Variants in SERPINB5 observed in about 807,000 individuals in gnomAD.
SERPINB5 encodes the protein serpin family B member 5.
A neutral mutation model predicts 32.2 loss-of-function variants in SERPINB5; 27 were observed. That is an observed-to-expected ratio of 0.84 (90% CI 0.62 to 1.16). SERPINB5 has a LOEUF of 1.16. Among genes scored for constraint, SERPINB5 ranks in the 50% most tolerant of loss-of-function variants. SERPINB5 has a pLI of 0.00. For synonymous variants in SERPINB5, 154 were observed against 157.4 expected, an observed-to-expected ratio of 0.98 and a Z score of 0.16; for missense variants, 388 against 436.3, an observed-to-expected ratio of 0.89 and a Z score of 0.99.
At position 63,492,962 on chromosome 18, in the gene SERPINB5, A is replaced by G; in HGVS notation, c.434A>G (p.Glu145Gly). The change falls in exon 5 of 7, where the codon GAG (glutamate) becomes GGG (glycine). Residue 145 changes from glutamate to glycine, a missense_variant. Transcript: ENST00000382771. ...SIKDLTDGHF[E>G]NILADNSVND... The stretch of plus-strand genomic sequence containing the variant: ...CCTAAAATTGTTGCAGGCCACTTTG[A>G]GAACATTTTAGCTGACAACAGTGTG... 6.2e-7 allele frequency: 1 copy of G among 1,608,962 alleles called. No individual in the cohort carries two copies. Among genetic ancestry groups the G allele is most frequent in the East Asian group, 2.2e-5 (1 of 44,788 alleles).
intron 5 of SERPINB5, among the ~76,000 whole-genome samples, chr18:63,497,894 G>A (rs1252209102): frequency 6.6e-6 from 1 of 152,138 alleles, no homozygotes; most frequent in Admixed American, 6.5e-5. Flanking sequence ...ATTTGCTCAA[G>A]GCCACAGAAT....
chr18:63,502,124 A>C (rs2144511981), intron 6 of SERPINB5, among the ~76,000 whole-genome samples: 1 of 146,406 alleles, frequency 6.8e-6, no homozygotes, highest in East Asian at 2.1e-4. Flanking sequence ...TGACCTTTTG[A>C]GTTTTGGAAA....
At chr18:63,499,324 C>T (rs1242419779) in intron 6 of SERPINB5, 37 bp downstream of exon 6, 2 of 1,436,708 alleles carry the variant, frequency 1.4e-6, no homozygotes, top group Non-Finnish European at 1.8e-6. Flanking sequence ...AAAGGCACCC[C>T]CTGCCTTGGC....
rs144814891 is a variant in SERPINB5 at position 63,503,684 on chromosome 18, C to T, written c.1090C>T (p.Arg364Ter). ...TTACATCATCAGGCACAACAAAACT[C>T]GAAACATTATTTTCTTTGGCAAATT... ...FIYIIRHNKT[R>*]NIIFFGKFCS... The change falls in exon 7 of 7, where the codon CGA becomes TGA. Residue 364 changes from arginine to a stop codon, truncating the protein, a stop_gained. Transcript: ENST00000382771. LOFTEE classifies it high-confidence loss of function. 49 of 1,614,048 alleles carry T rather than the reference C, an allele frequency of 3.0e-5. No homozygotes were observed. The highest frequency in any genetic ancestry group is 5.3e-5 in the African/African-American group (4 of 74,922).
intron 4 of SERPINB5, among the ~76,000 whole-genome samples, chr18:63,489,667 C>A (rs1917270720): frequency 6.6e-6 from 1 of 152,190 alleles, no homozygotes; most frequent in Non-Finnish European, 1.5e-5. Context: ...TTGGTAGAAA[C>A]TGTTGATGCT....
chr18:63,484,610 C>G lies in SERPINB5; in HGVS notation c.168+14C>G, dbSNP rs1385989356. 3 of 1,606,984 alleles carry G rather than the reference C, an allele frequency of 1.9e-6. No individual in the cohort carries two copies. The highest frequency in any genetic ancestry group is 2.5e-6 in the Non-Finnish European group (3 of 1,177,680). On this transcript the variant is annotated intron_variant, in intron 2 of 6. Transcript: ENST00000382771. Reference sequence around the variant, plus strand: ...GAAATTGGACAGGTAAGCCCCAAAACCTTGTTTCTACTTTAAGTGGGAATA... The same window carrying G: ...GAAATTGGACAGGTAAGCCCCAAAAGCTTGTTTCTACTTTAAGTGGGAATA...
intron 3 of SERPINB5, 134 bp downstream of exon 3, chr18:63,487,217 A>G: frequency 1.2e-6 from 1 of 865,728 alleles, no homozygotes; most frequent in South Asian, 1.9e-5. Context: ...CTTTAAATAA[A>G]TAAATCCTAG....
chr18:63,484,117 T>C (rs1917167099), intron 1 of SERPINB5, among the ~76,000 whole-genome samples: 1 of 152,228 alleles, frequency 6.6e-6, no homozygotes. Flanking sequence ...GCTGTCAACT[T>C]TTCTGACATA....
chr18:63,478,953 T>C (rs568278011), intron 1 of SERPINB5, among the ~76,000 whole-genome samples: 3 of 152,110 alleles, frequency 2.0e-5, no homozygotes, highest in Non-Finnish European at 4.4e-5. Context: ...AGACACAGGG[T>C]TTCACCATGT....
At chr18:63,486,484 A>G (rs1052115386) in intron 2 of SERPINB5, among the ~76,000 whole-genome samples, 5 of 152,240 alleles carry the variant, frequency 3.3e-5, no homozygotes, top group Non-Finnish European at 7.3e-5. Context: ...TGAATTGGAT[A>G]GAAATTATAA....
At position 63,503,401 on chromosome 18, in the gene SERPINB5, C is replaced by T. The variant is rs1909609894; in HGVS notation, c.807C>T (p.Val269=). Residue 269 remains valine, a synonymous_variant, in exon 7 of 7, where the codon GTC becomes GTT. Transcript: ENST00000382771. ...TNPSTMANAK[V]KLSIPKFKVE... is the part of the protein sequence containing the mutation. ...CCAGCACCATGGCCAATGCCAAGGT[C>T]AAACTCTCCATTCCAAAATTTAAGG... 6.2e-7 allele frequency: 1 copy of T among 1,614,130 alleles called. No homozygotes were observed. Among genetic ancestry groups the T allele is most frequent in the African/African-American group, 1.3e-5 (1 of 74,942 alleles).
intron 2 of SERPINB5, chr18:63,486,562 A>C (rs1325835493): frequency 6.1e-6 from 1 of 164,898 alleles, no homozygotes; most frequent in Non-Finnish European, 1.3e-5. Flanking sequence ...ACTTTGAAGA[A>C]AGGACAAATG....
intron 4 of SERPINB5, among the ~76,000 whole-genome samples, chr18:63,490,053 G>A (rs1300245835): frequency 2.6e-5 from 4 of 152,144 alleles, no homozygotes; most frequent in East Asian, 1.9e-4. Context: ...TTAGCCGGGC[G>A]TGGTGGCGGG....
At chr18:63,493,130 C>T (rs567037817) in intron 5 of SERPINB5, 35 bp downstream of exon 5, 3 of 1,613,488 alleles carry the variant, frequency 1.9e-6, no homozygotes, top group African/African-American at 2.7e-5. Flanking sequence ...AAAAGGAGCC[C>T]AATTATAGAT....
chr18:63,485,159 A>G (rs1917189342), intron 2 of SERPINB5, among the ~76,000 whole-genome samples: 1 of 152,238 alleles, frequency 6.6e-6, no homozygotes, highest in East Asian at 1.9e-4. Flanking sequence ...AATATTTTCA[A>G]TTTACAATGG....
intron 2 of SERPINB5, chr18:63,485,662 T>G (rs1364078362): frequency 2.0e-5 from 3 of 152,276 alleles, no homozygotes; most frequent in Non-Finnish European, 2.9e-5. Flanking sequence ...GAAAGAGAAC[T>G]TCCGGGTAGT....
At chr18:63,495,506 T>G (rs1001748387) in intron 5 of SERPINB5, among the ~76,000 whole-genome samples, 4 of 152,218 alleles carry the variant, frequency 2.6e-5, no homozygotes, top group African/African-American at 9.7e-5. Flanking sequence ...AAGTGAAATC[T>G]GAAACAGGTT....
At chr18:63,490,302 G>A (rs1333632135) in intron 4 of SERPINB5, among the ~76,000 whole-genome samples, 1 of 152,072 alleles carries the variant, frequency 6.6e-6, no homozygotes, top group Non-Finnish European at 1.5e-5. Context: ...AAGCTCCTAG[G>A]TTCTTTCTCC....
At chr18:63,488,066 C>T (rs1028544981) in intron 3 of SERPINB5, among the ~76,000 whole-genome samples, 2 of 151,930 alleles carry the variant, frequency 1.3e-5, no homozygotes, top group African/African-American at 4.8e-5. Context: ...TACAACATTT[C>T]TAGAAGCTCC....
Sources: gnomAD v4.1 joint callset for allele counts (sites outside exome capture counted in the v4.1 genomes callset) on GRCh38, gnomAD v4.1.1 for gene constraint, MANE v1.5 for transcripts, NCBI Gene and HGNC (gene_info 2026-07-23, HGNC 2026-07-21) for gene names.